BTG4: variants seen among roughly 807,000 people sequenced by gnomAD.
BTG4 encodes protein BTG4.
Under a neutral mutation model 19.3 loss-of-function variants are expected in BTG4, and 10 were observed. That is an observed-to-expected ratio of 0.52 (90% CI 0.32 to 0.88). BTG4 has a LOEUF of 0.88. Ranked by LOEUF, BTG4 falls within the 40% of genes least tolerant of loss-of-function variation. The pLI is 0.04. For missense variants in BTG4, 238 were observed against 281.9 expected (o/e 0.84, Z 1.11); for synonymous variants, 91 against 95.7 (o/e 0.95, Z 0.29).
the BTG4 span, among the ~76,000 whole-genome samples, chr11:111,433,986 A>G: frequency 1.3e-5 from 2 of 152,216 alleles, no homozygotes; most frequent in Non-Finnish European, 2.9e-5. Context: ...GTGGAAGACA[A>G]TGTAGCGATT....
At chr11:111,456,836 C>A in the BTG4 span, 1 of 259,462 alleles carries the variant, frequency 3.9e-6, no homozygotes, top group Non-Finnish European at 8.1e-6. The surrounding 1 kb of genome is among the most constrained non-coding windows in gnomAD (Gnocchi z 4.2). Context: ...TCCCAGGGAG[C>A]ACAGCACAGG....
intron 4 of BTG4, among the ~76,000 whole-genome samples, chr11:111,495,888 A>G (rs1865695072): frequency 6.6e-6 from 1 of 152,240 alleles, no homozygotes; most frequent in South Asian, 2.1e-4. Context: ...GTCTTTGAAT[A>G]ACATAGTTTG....
chr11:111,429,859 CT>C, the BTG4 span, among the ~76,000 whole-genome samples: 1 of 152,228 alleles, frequency 6.6e-6, no homozygotes, highest in East Asian at 1.9e-4. Flanking sequence ...AGGTTATACA[CT>C]TTCTTCAAGT....
At chr11:111,503,609 C>A (rs955744) in intron 1 of BTG4, among the ~76,000 whole-genome samples, 1 of 151,856 alleles carries the variant, frequency 6.6e-6, no homozygotes, top group Non-Finnish European at 1.5e-5. Context: ...TATGTCTGGG[C>A]GAAGAACCAC....
At chr11:111,455,794 T>C in the BTG4 span, 1 of 455,850 alleles carries the variant, frequency 2.2e-6, no homozygotes, top group Non-Finnish European at 4.4e-6. Flanking sequence ...GGGCCACCTG[T>C]CCCAGGTCGT....
At chr11:111,488,006 T>C (rs1357680807) in intron 5 of BTG4, among the ~76,000 whole-genome samples, 1 of 152,120 alleles carries the variant, frequency 6.6e-6, no homozygotes. Flanking sequence ...GAAGAATCAA[T>C]AGTGTTAAAA....
the BTG4 span, chr11:111,404,830 C>G: frequency 5.6e-6 from 2 of 357,324 alleles, no homozygotes; most frequent in Non-Finnish European, 1.1e-5. Flanking sequence ...TTCCCTTTAT[C>G]TCTCATGGTC....
chr11:111,428,946 T>C, the BTG4 span, among the ~76,000 whole-genome samples: 7 of 152,174 alleles, frequency 4.6e-5, no homozygotes, highest in African/African-American at 1.7e-4. Flanking sequence ...CCCGTAATAT[T>C]TACAGACCAC....
chr11:111,512,401 C>T (rs1468683358), upstream of BTG4: 2 of 152,078 alleles, frequency 1.3e-5, no homozygotes, highest in Non-Finnish European at 2.9e-5. Flanking sequence ...CCCCCATCCC[C>T]TCCCCCACCC....
In BTG4 at chr11:111,497,393, G is replaced by T; in HGVS notation, c.328C>A (p.His110Asn). ...TTAAAAGAAGCAACTGTAAATGGAT[G>T]GTTTTTCTCACCATACCTAAGTAGG... ...EVCCRYGEKN[H>N]PFTVASFKGR... Residue 110 changes from histidine to asparagine, a missense_variant, in exon 4 of 5, where the codon CAT (histidine) becomes AAT (asparagine). By Grantham distance (68) the His-to-Asn change is moderately conservative. Coordinates refer to ENST00000692032, the MANE Select transcript of BTG4 (RefSeq NM_001367975.1). 7.3e-7 allele frequency: 1 copy of T among 1,376,004 alleles called. No individual in the cohort carries two copies. Among genetic ancestry groups the T allele is most frequent in the Non-Finnish European group, 9.4e-7 (1 of 1,058,738 alleles). 85.2% of individuals were successfully genotyped at this position (1,376,004 alleles called of 1,614,324 possible). A position where few individuals can be genotyped will look rare whatever the true frequency, so the allele number is the denominator to read the frequency against.
chr11:111,411,530 A>G, the BTG4 span, among the ~76,000 whole-genome samples: 1 of 152,160 alleles, frequency 6.6e-6, no homozygotes, highest in African/African-American at 2.4e-5. Flanking sequence ...CTAATCCCTT[A>G]ACGTGCTTTC....
rs573305311 is a variant in BTG4, at chr11:111,508,140, C to T, written c.-27+4041G>A. 2.6e-5 allele frequency among the ~76,000 whole-genome samples: 4 copies of T among 152,336 alleles called. No individual in the cohort carries two copies. The South Asian group carries it at 8.3e-4, about 32-fold the overall frequency. ...ATCTTATTCCGTTTGTTCACTTGAA[C>T]CAGTTATCAACCAAGTCATGCAAAG... On this transcript the variant is annotated intron_variant, in intron 1 of 4. Coordinates refer to ENST00000692032, the MANE Select transcript of BTG4 (RefSeq NM_001367975.1).
chr11:111,408,477 ACCTGCCT>A, the BTG4 span, among the ~76,000 whole-genome samples: 2 of 152,218 alleles, frequency 1.3e-5, no homozygotes, highest in Non-Finnish European at 2.9e-5. Flanking sequence ...GCCCAGGACC[ACCTGCCT>A]CCTCCAGCAG....
At chr11:111,484,719 G>A (rs1441874440) in intron 5 of BTG4, among the ~76,000 whole-genome samples, 3 of 152,054 alleles carry the variant, frequency 2.0e-5, no homozygotes, top group East Asian at 1.9e-4. Flanking sequence ...AAGACAGGAA[G>A]GAAAGAGGAC....
chr11:111,414,355 C>G, the BTG4 span: 2 of 152,140 alleles, frequency 1.3e-5, no homozygotes, highest in African/African-American at 4.8e-5. Flanking sequence ...GAGATGAGTC[C>G]TGAGAGCTGA....
rs1396301559 is a variant in BTG4 at position 111,498,095 on chromosome 11, G to A, written c.214C>T (p.Leu72=). The A allele has an allele frequency of 6.2e-7, 1 of 1,614,144 alleles. No homozygotes were observed. The change falls in exon 3 of 5, where the codon CTA becomes TTA. Residue 72 remains leucine, a synonymous_variant. Coordinates refer to ENST00000692032, the MANE Select transcript of BTG4 (RefSeq NM_001367975.1). ...INNNQNKDPI[L]ERACVESNVD... is the part of the protein sequence containing the mutation. ...TTACTTTCCACACATGCCCTTTCTAGAATGGGATCTTTATTCTGATTGTTG... is the reference window on the plus strand; with the variant it reads ...TTACTTTCCACACATGCCCTTTCTAAAATGGGATCTTTATTCTGATTGTTG...
At chr11:111,438,779 AAG>A in the BTG4 span, among the ~76,000 whole-genome samples, 1 of 152,102 alleles carries the variant, frequency 6.6e-6, no homozygotes, top group South Asian at 2.1e-4. Context: ...TAAGCTTCAA[AAG>A]AGAGGATGCT....
the BTG4 span, chr11:111,417,334 G>A: frequency 2.0e-5 from 3 of 152,242 alleles, no homozygotes; most frequent in Non-Finnish European, 4.4e-5. Context: ...TCCCCTCTTT[G>A]CTGATCTGGA....
At chr11:111,481,998 T>G (rs1050693012) in intron 5 of BTG4, among the ~76,000 whole-genome samples, 1 of 151,672 alleles carries the variant, frequency 6.6e-6, no homozygotes, top group African/African-American at 2.4e-5. Context: ...AGAAATAAAA[T>G]GCATCCATAT....
Sources: allele counts gnomAD v4.1 joint callset (sites outside exome capture counted in the v4.1 genomes callset), GRCh38; gene constraint gnomAD v4.1.1; non-coding constraint Gnocchi (gnomAD v3.1); transcripts MANE v1.5; gene names NCBI Gene and HGNC (gene_info 2026-07-23, HGNC 2026-07-21).